The following GTF2E2 variants were observed in gnomAD, a reference collection of about 807,000 sequenced individuals.
The protein encoded by GTF2E2 is general transcription factor IIE subunit 2, also known as transcription initiation factor IIE subunit beta.
GTF2E2 carries 21 observed loss-of-function variants against 40.5 expected under a neutral mutation model. The ratio of observed to expected loss-of-function variants is 0.52; its 90% CI spans 0.37 to 0.75. GTF2E2 has a LOEUF of 0.75. Among genes scored for constraint, GTF2E2 ranks in the 30% least tolerant of loss-of-function variants. The pLI is 0.00. For synonymous variants in GTF2E2, 117 were observed against 121.6 expected (o/e 0.96, Z 0.25); for missense variants, 298 against 338.4 (o/e 0.88, Z 0.94).
At chr8:30,589,242 G>A (rs1828769726) in intron 6 of GTF2E2, among the ~76,000 whole-genome samples, 2 of 152,102 alleles carry the variant, frequency 1.3e-5, no homozygotes, top group South Asian at 4.1e-4. Flanking sequence ...CTGACAAAGC[G>A]AGACTCCACC....
chr8:30,633,966 A>G (rs1038918936), intron 3 of GTF2E2, among the ~76,000 whole-genome samples: 1 of 152,252 alleles, frequency 6.6e-6, no homozygotes, highest in African/African-American at 2.4e-5. Context: ...TAGCACAGTT[A>G]AAAATCTGAT....
At chr8:30,608,965 G>A (rs929724504) in intron 5 of GTF2E2, among the ~76,000 whole-genome samples, 3 of 152,078 alleles carry the variant, frequency 2.0e-5, no homozygotes, top group African/African-American at 4.8e-5. Flanking sequence ...TAGCCAGGAC[G>A]GTCTCAATCT....
At chr8:30,600,550 G>C (rs924346562) in intron 6 of GTF2E2, among the ~76,000 whole-genome samples, 24 of 152,004 alleles carry the variant, frequency 1.6e-4, no homozygotes, top group Admixed American at 1.3e-3. Context: ...GTAAGGGACT[G>C]AGCTAAGATA....
chr8:30,605,174 C>CT (rs1224097698), intron 6 of GTF2E2, among the ~76,000 whole-genome samples: 1 of 152,216 alleles, frequency 6.6e-6, no homozygotes, highest in Non-Finnish European at 1.5e-5. Flanking sequence ...ACATGCTACA[C>CT]TATGCTGCCA....
intron 2 of GTF2E2, among the ~76,000 whole-genome samples, chr8:30,650,120 A>T (rs1284904471): frequency 1.3e-5 from 2 of 152,208 alleles, no homozygotes; most frequent in Non-Finnish European, 2.9e-5. Flanking sequence ...CCTGAGAGGC[A>T]CCAGAGAAAA....
chr8:30,652,840 CTG>C (rs1191798954), intron 2 of GTF2E2, among the ~76,000 whole-genome samples: 1 of 152,058 alleles, frequency 6.6e-6, no homozygotes, highest in African/African-American at 2.4e-5. Flanking sequence ...GATAAACAAA[CTG>C]TGGTACATAT....
At chr8:30,645,682 A>G in intron 2 of GTF2E2, 2 of 1,312,454 alleles carry the variant, frequency 1.5e-6, no homozygotes, top group Non-Finnish European at 2.0e-6. Flanking sequence ...AACTGTTGCT[A>G]CAAAACAAAT....
At chr8:30,654,630 C>T (rs1249753858) in intron 1 of GTF2E2, among the ~76,000 whole-genome samples, 1 of 152,136 alleles carries the variant, frequency 6.6e-6, no homozygotes, top group South Asian at 2.1e-4. Context: ...GTCTTGAACT[C>T]CTGGCCTCAA....
At chr8:30,654,088 C>CAAAAAAA (rs11307086) in intron 1 of GTF2E2, among the ~76,000 whole-genome samples, 2 of 115,344 alleles carry the variant, frequency 1.7e-5, no homozygotes, top group Admixed American at 8.9e-5. Context: ...GACCCTTGTT[C>CAAAAAAA]AAAAAAAAAA....
chr8:30,579,404 T>C (rs1411278783), intron 7 of GTF2E2, among the ~76,000 whole-genome samples: 1 of 152,150 alleles, frequency 6.6e-6, no homozygotes, highest in Non-Finnish European at 1.5e-5. Context: ...TATGGCAAAA[T>C]CCTGAGAAAG....
chr8:30,624,840 G>T (rs74507701), intron 3 of GTF2E2, among the ~76,000 whole-genome samples: 1 of 151,738 alleles, frequency 6.6e-6, no homozygotes, highest in Non-Finnish European at 1.5e-5. Context: ...AATGCTTGTG[G>T]TTTTTGCACA....
At chr8:30,630,050 T>G (rs974331979) in intron 3 of GTF2E2, among the ~76,000 whole-genome samples, 15 of 152,202 alleles carry the variant, frequency 9.9e-5, no homozygotes, top group East Asian at 1.9e-4. Context: ...CTTTTAAAAC[T>G]TACTCCTTTA....
intron 3 of GTF2E2, among the ~76,000 whole-genome samples, chr8:30,615,230 G>GATC (rs1196763556): frequency 6.6e-6 from 1 of 152,112 alleles, no homozygotes; most frequent in African/African-American, 2.4e-5. Context: ...AGTGAGCTGA[G>GATC]ATCATGCCAC....
At chr8:30,655,933 C>T (rs1490616994) in intron 1 of GTF2E2, among the ~76,000 whole-genome samples, 2 of 152,212 alleles carry the variant, frequency 1.3e-5, no homozygotes, top group East Asian at 3.9e-4. Flanking sequence ...GGCTCAGCCT[C>T]CCGAGTAGCT....
At chr8:30,647,408 C>A (rs2128729041) in intron 2 of GTF2E2, among the ~76,000 whole-genome samples, 1 of 152,152 alleles carries the variant, frequency 6.6e-6, no homozygotes, top group Middle Eastern at 3.4e-3. Flanking sequence ...TGGTGAAACC[C>A]CATCTCTACT....
chr8:30,632,528 T>A (rs1202951497), intron 3 of GTF2E2, among the ~76,000 whole-genome samples: 1 of 152,224 alleles, frequency 6.6e-6, no homozygotes, highest in Non-Finnish European at 1.5e-5. Context: ...AAATATATTT[T>A]AAACACATAA....
chr8:30,654,092 A>G (rs77541269), intron 1 of GTF2E2, among the ~76,000 whole-genome samples: 4 of 148,888 alleles, frequency 2.7e-5, no homozygotes, highest in African/African-American at 4.9e-5. Flanking sequence ...CTTGTTCAAA[A>G]AAAAAAAAAA....
chr8:30,599,670 A>G (rs1829116460), intron 6 of GTF2E2, among the ~76,000 whole-genome samples: 2 of 151,902 alleles, frequency 1.3e-5, no homozygotes, highest in African/African-American at 4.8e-5. Context: ...AACAAAATAG[A>G]ATACCATGTA....
intron 6 of GTF2E2, among the ~76,000 whole-genome samples, chr8:30,585,507 T>C (rs1828654298): frequency 6.6e-6 from 1 of 152,122 alleles, no homozygotes; most frequent in Non-Finnish European, 1.5e-5. Context: ...CGTAAAGATG[T>C]GGAAAATACA....
Sources: allele counts gnomAD v4.1 joint callset (sites outside exome capture counted in the v4.1 genomes callset), GRCh38; gene constraint gnomAD v4.1.1; transcripts MANE v1.5; gene names NCBI Gene and HGNC (gene_info 2026-07-23, HGNC 2026-07-21).